The following CHSY3 variants were observed in gnomAD, a reference collection of about 807,000 sequenced individuals.
The protein encoded by CHSY3 is chondroitin sulfate synthase 3, also known as N-acetylgalactosaminyl-proteoglycan 3-beta-glucuronosyltransferase 3.
A neutral mutation model predicts 67.2 loss-of-function variants in CHSY3; 35 were observed. The ratio of observed to expected loss-of-function variants is 0.52; its 90% CI spans 0.40 to 0.69. The LOEUF (loss-of-function observed/expected upper bound fraction) is 0.69, where lower values mean the gene tolerates loss of function less well. Among genes scored for constraint, CHSY3 ranks in the 30% least tolerant of loss-of-function variants. CHSY3 has a pLI of 0.00. For missense variants in CHSY3, 1,069 were observed against 1,138.5 expected, an observed-to-expected ratio of 0.94 and a Z score of 0.88; for synonymous variants, 474 against 434.7, an observed-to-expected ratio of 1.09 and a Z score of -1.12.
intron 2 of CHSY3, among the ~76,000 whole-genome samples, chr5:129,999,909 A>G (rs564861823): frequency 6.6e-6 from 1 of 152,220 alleles, no homozygotes; most frequent in East Asian, 1.9e-4. Context: ...TACCACAGGC[A>G]TACTAGAAAC....
chr5:130,163,511 T>G (rs1390927144), intron 2 of CHSY3, among the ~76,000 whole-genome samples: 1 of 152,144 alleles, frequency 6.6e-6, no homozygotes, highest in Admixed American at 6.5e-5. Context: ...AACTTGAGGT[T>G]TCAAAGAGTT....
At chr5:130,143,806 G>GCTTC (rs1768977608) in intron 2 of CHSY3, among the ~76,000 whole-genome samples, 2 of 41,248 alleles carry the variant, frequency 4.8e-5, no homozygotes, top group South Asian at 2.7e-3. Flanking sequence ...ATATATATAT[G>GCTTC]TGTGTATATA....
At chr5:129,953,382 A>G (rs1287269775) in intron 2 of CHSY3, among the ~76,000 whole-genome samples, 1 of 152,056 alleles carries the variant, frequency 6.6e-6, no homozygotes, top group Admixed American at 6.6e-5. Flanking sequence ...TCTAACATTG[A>G]TAGGCATTTG....
chr5:130,070,156 G>C (rs1766011899), intron 2 of CHSY3, among the ~76,000 whole-genome samples: 2 of 151,988 alleles, frequency 1.3e-5, no homozygotes, highest in African/African-American at 4.8e-5. Flanking sequence ...TAGAACTTCA[G>C]AAACATATTT....
intron 2 of CHSY3, among the ~76,000 whole-genome samples, chr5:130,137,666 T>G (rs1456552178): frequency 1.3e-5 from 2 of 152,192 alleles, no homozygotes; most frequent in Non-Finnish European, 2.9e-5. Flanking sequence ...GAGTCAACAG[T>G]AAAAGGATAT....
In CHSY3 at chr5:130,146,937, G is replaced by T. The variant is rs1025361591; in HGVS notation, c.1087-37292G>T. Among the ~76,000 whole-genome samples the T allele has an allele frequency of 4.6e-5, 7 of 152,098 alleles. No individual in the cohort carries two copies. The South Asian group carries it at 8.3e-4, about 18-fold the overall frequency. On this transcript the variant is annotated intron_variant, in intron 2 of 2. Coordinates refer to ENST00000305031, the MANE Select transcript of CHSY3 (RefSeq NM_175856.5). ...GCTTCCCCAGTAGCTGGGATTACAGGTGCCTGCCACCATGCCCAGCTAATT... is the reference window on the plus strand; with the variant it reads ...GCTTCCCCAGTAGCTGGGATTACAGTTGCCTGCCACCATGCCCAGCTAATT...
At chr5:130,044,375 G>A (rs555444802) in intron 2 of CHSY3, among the ~76,000 whole-genome samples, 15 of 152,160 alleles carry the variant, frequency 9.9e-5, no homozygotes, top group African/African-American at 3.1e-4. Context: ...ATAACATGGG[G>A]TTTTGTAGGT....
In CHSY3 at chr5:130,146,466, G is replaced by A. The variant is rs1462520237; in HGVS notation, c.1087-37763G>A. Among the ~76,000 whole-genome samples, 11 of 152,100 alleles carry A rather than the reference G, an allele frequency of 7.2e-5. No homozygotes were observed. In the East Asian group the frequency reaches 1.5e-3, roughly 21 times the overall value. On this transcript the variant is annotated intron_variant, in intron 2 of 2. Transcript: ENST00000305031. ...CAGAGACTGGAGAGGGAAGGGAGAT[G>A]AAGGGGGAGAGGCTGGTTAATAGGC...
At chr5:130,040,469 A>C (rs1245999554) in intron 2 of CHSY3, among the ~76,000 whole-genome samples, 1 of 152,134 alleles carries the variant, frequency 6.6e-6, no homozygotes, top group Non-Finnish European at 1.5e-5. Flanking sequence ...AAAATGGTTA[A>C]ACTGTCAAAA....
intron 2 of CHSY3, among the ~76,000 whole-genome samples, chr5:130,132,118 T>C (rs2149714284): frequency 6.6e-6 from 1 of 152,282 alleles, no homozygotes; most frequent in Non-Finnish European, 1.5e-5. Context: ...AATATACTCT[T>C]TTCCCTTTTG....
At position 130,150,028 on chromosome 5, in the gene CHSY3, G is replaced by C. The variant is rs147146581; in HGVS notation, c.1087-34201G>C. Among the ~76,000 whole-genome samples, 574 of 152,230 alleles carry C rather than the reference G, an allele frequency of 3.8e-3. 1 individual carries two copies. The highest frequency in any genetic ancestry group is 0.013 in the African/African-American group (524 of 41,550). The stretch of plus-strand genomic sequence containing the variant: ...AAGTATGTATATAAAAATAATGATG[G>C]CTCTCGTGTGATTTTAGATCAGGGG... On this transcript the variant is annotated intron_variant, in intron 2 of 2. Transcript: ENST00000305031.
At position 130,088,736 on chromosome 5, in the gene CHSY3, G is replaced by C. The variant is rs1715216944; in HGVS notation, c.1087-95493G>C. On this transcript the variant is annotated intron_variant, in intron 2 of 2. Coordinates refer to ENST00000305031, the MANE Select transcript of CHSY3 (RefSeq NM_175856.5). ...GTCAGGAAACAACAGGTGCTGGAGA[G>C]GATGTGGAGAAATAGGAACACTTTT... Among the ~76,000 whole-genome samples the C allele has an allele frequency of 2.0e-5, 3 of 152,136 alleles. No homozygotes were observed. In the East Asian group the frequency reaches 5.8e-4, roughly 29 times the overall value.
chr5:129,933,314 T>G (rs1364698335), intron 2 of CHSY3, among the ~76,000 whole-genome samples: 1 of 152,154 alleles, frequency 6.6e-6, no homozygotes, highest in Non-Finnish European at 1.5e-5. Context: ...TTGAGGAATA[T>G]TTTGAAATTA....
intron 2 of CHSY3, among the ~76,000 whole-genome samples, chr5:130,015,723 C>T (rs1272761340): frequency 6.6e-6 from 1 of 152,110 alleles, no homozygotes; most frequent in Non-Finnish European, 1.5e-5. Flanking sequence ...CCATCAATCC[C>T]ATTACTGGGT....
intron 2 of CHSY3, among the ~76,000 whole-genome samples, chr5:130,120,493 A>G (rs1431780317): frequency 1.4e-5 from 2 of 144,842 alleles, no homozygotes; most frequent in Non-Finnish European, 3.0e-5. Context: ...AAAGAAAAAA[A>G]AAAAAAAAAA....
At chr5:130,021,570 TC>T (rs1580657960) in intron 2 of CHSY3, among the ~76,000 whole-genome samples, 2 of 152,026 alleles carry the variant, frequency 1.3e-5, no homozygotes, top group South Asian at 4.2e-4. Context: ...TTCTTTTTTT[TC>T]CCCCGTCTCA....
chr5:130,076,236 C>T (rs17593094), intron 2 of CHSY3, among the ~76,000 whole-genome samples: 8,474 of 152,002 alleles, frequency 0.056, 355 homozygotes, highest in Non-Finnish European at 0.082. Flanking sequence ...TGAACTTTGT[C>T]TGTCCTCTTT....
chr5:129,959,800 CAG>C, intron 2 of CHSY3, among the ~76,000 whole-genome samples: 1 of 152,040 alleles, frequency 6.6e-6, no homozygotes, highest in African/African-American at 2.4e-5. Context: ...CATTTTGTTA[CAG>C]TTTAAGGTAC....
At chr5:130,114,929 C>T (rs1156566535) in intron 2 of CHSY3, among the ~76,000 whole-genome samples, 1 of 152,142 alleles carries the variant, frequency 6.6e-6, no homozygotes, top group Admixed American at 6.6e-5. Flanking sequence ...AACTATTGAA[C>T]AGTCCTCTCT....
Sources: gnomAD v4.1 joint callset for allele counts (sites outside exome capture counted in the v4.1 genomes callset) on GRCh38, gnomAD v4.1.1 for gene constraint, MANE v1.5 for transcripts, NCBI Gene and HGNC (gene_info 2026-07-23, HGNC 2026-07-21) for gene names.